The following PLCB1 variants were observed in gnomAD, a reference collection of about 807,000 sequenced individuals.
PLCB1 encodes 1-phosphatidylinositol 4,5-bisphosphate phosphodiesterase beta-1.
In PLCB1, 46 loss-of-function variants were observed where a neutral mutation model predicts 161.8. That is an observed-to-expected ratio of 0.28 (90% CI 0.22 to 0.36). The LOEUF (loss-of-function observed/expected upper bound fraction) is 0.36. PLCB1 is among the 10% of genes least tolerant of loss of function. The probability of loss-of-function intolerance (pLI) is 1.00; values close to 1 mark genes in which losing one functional copy is unlikely to be tolerated. For synonymous variants in PLCB1, 517 were observed against 503.7 expected, an observed-to-expected ratio of 1.03 and a Z score of -0.35; for missense variants, 1,016 against 1,472.5, an observed-to-expected ratio of 0.69 and a Z score of 5.07.
At chr20:8,326,233 T>G (rs1985147409) in intron 2 of PLCB1, among the ~76,000 whole-genome samples, 1 of 152,226 alleles carries the variant, frequency 6.6e-6, no homozygotes, top group African/African-American at 2.4e-5. Context: ...CTCTGGGAAA[T>G]TATATAGTGA....
intron 31 of PLCB1, among the ~76,000 whole-genome samples, chr20:8,866,331 C>G (rs1056327830): frequency 1.3e-5 from 2 of 152,112 alleles, no homozygotes; most frequent in African/African-American, 2.4e-5. Context: ...CTTTAGACAC[C>G]AGCGCAATGT....
chr20:8,684,268 T>TTTATTTA lies in PLCB1; in HGVS notation c.863-663_863-662insTATTTAT, dbSNP rs879620724. ...TATTTATTTATTTATTTATTTATTT[T>TTTATTTA]TATTTTGAGAAGGAGTCTCGCTCTG... On this transcript the variant is annotated intron_variant, in intron 9 of 31. Coordinates refer to ENST00000338037, the MANE Select transcript of PLCB1 (RefSeq NM_015192.4). Among the ~76,000 whole-genome samples the TTTATTTA allele has an allele frequency of 5.2e-4, 72 of 138,386 alleles. 1 individual carries two copies. In the East Asian group the frequency reaches 9.0e-3, roughly 17 times the overall value. 90.8% of individuals were successfully genotyped at this position (138,386 alleles called of 152,430 possible).
At chr20:8,797,648 A>C (rs981547390) in intron 31 of PLCB1, among the ~76,000 whole-genome samples, 1 of 152,128 alleles carries the variant, frequency 6.6e-6, no homozygotes, top group Admixed American at 6.5e-5. Context: ...TTATTTTCAA[A>C]TATATAATCT....
At chr20:8,272,013 T>G (rs1023347822) in intron 2 of PLCB1, among the ~76,000 whole-genome samples, 1 of 152,072 alleles carries the variant, frequency 6.6e-6, no homozygotes, top group Admixed American at 6.6e-5. Flanking sequence ...CTTTCAAGAT[T>G]TTTTTTGCTT....
chr20:8,616,933 T>A (rs570642053), intron 3 of PLCB1, among the ~76,000 whole-genome samples: 1 of 152,330 alleles, frequency 6.6e-6, no homozygotes, highest in East Asian at 1.9e-4. Flanking sequence ...ACAGGACTAT[T>A]CTTGGGGAAT....
intron 2 of PLCB1, among the ~76,000 whole-genome samples, chr20:8,173,280 C>T (rs1177025042): frequency 6.6e-6 from 1 of 152,106 alleles, no homozygotes; most frequent in East Asian, 1.9e-4. Flanking sequence ...GCGCTTGGCC[C>T]ATGAAGCCTA....
At chr20:8,297,578 G>A (rs1176421681) in intron 2 of PLCB1, among the ~76,000 whole-genome samples, 3 of 152,096 alleles carry the variant, frequency 2.0e-5, no homozygotes, top group Non-Finnish European at 2.9e-5. Context: ...AGTAATAATC[G>A]TTATAACCAC....
intron 2 of PLCB1, among the ~76,000 whole-genome samples, chr20:8,230,398 G>C (rs538608359): frequency 6.6e-6 from 1 of 151,868 alleles, no homozygotes; most frequent in African/African-American, 2.4e-5. Flanking sequence ...ATCATTTTTT[G>C]TGTGTGTGTT....
rs1979830666 is a variant in PLCB1 at position 8,724,576 on chromosome 20, A to G, written c.1582-80A>G. The G allele has an allele frequency of 3.2e-5, 27 of 839,888 alleles. 2 individuals are homozygous for G. In the South Asian group the frequency reaches 3.5e-4, roughly 11 times the overall value. 52.0% of individuals were successfully genotyped at this position (839,888 alleles called of 1,614,324 possible). A position where few individuals can be genotyped will look rare whatever the true frequency, so the allele number is the denominator to read the frequency against. ...GGATGATTTTCTGCATGCTTGAATC[A>G]TGTTGTCATTTTCCTGGGAAAATAA... On this transcript the variant is annotated intron_variant, in intron 15 of 31. Coordinates refer to ENST00000338037, the MANE Select transcript of PLCB1 (RefSeq NM_015192.4).
chr20:8,531,188 G>A (rs138544590), intron 3 of PLCB1, among the ~76,000 whole-genome samples: 37 of 152,134 alleles, frequency 2.4e-4, no homozygotes, highest in Non-Finnish European at 4.7e-4. Flanking sequence ...GCAGAGGGAA[G>A]TACACATTGT....
At chr20:8,874,252 A>G (rs1333648676) in intron 31 of PLCB1, among the ~76,000 whole-genome samples, 4 of 75,306 alleles carry the variant, frequency 5.3e-5, no homozygotes, top group Admixed American at 1.2e-4. Flanking sequence ...ACACACACAC[A>G]CACGCACAAC....
chr20:8,338,189 A>G (rs1985657155), intron 2 of PLCB1, among the ~76,000 whole-genome samples: 1 of 152,186 alleles, frequency 6.6e-6, no homozygotes, highest in African/African-American at 2.4e-5. Context: ...ATAATATGTA[A>G]TATATTCTCA....
At chr20:8,554,838 G>A (rs1288720586) in intron 3 of PLCB1, among the ~76,000 whole-genome samples, 9 of 152,018 alleles carry the variant, frequency 5.9e-5, no homozygotes, top group South Asian at 2.1e-4. Flanking sequence ...GCTGTTCTAC[G>A]TTAACTCAGG....
Position 8,150,390 on chromosome 20 carries a change from C to T in PLCB1, c.177+19C>T. On this transcript the variant is annotated intron_variant, in intron 2 of 31. Transcript: ENST00000338037. Reference sequence around the variant, plus strand: ...AAACAAGGTAAGAAATGAGGTATGCCTTTCTTACATTTTTCAGTCGTTTAC... The same window carrying T: ...AAACAAGGTAAGAAATGAGGTATGCTTTTCTTACATTTTTCAGTCGTTTAC... 1.6e-6 allele frequency: 2 copies of T among 1,250,470 alleles called. No homozygotes were observed. The highest frequency in any genetic ancestry group is 2.3e-6 in the Non-Finnish European group (2 of 874,790). 77.5% of individuals were successfully genotyped at this position (1,250,470 alleles called of 1,614,324 possible).
intron 31 of PLCB1, among the ~76,000 whole-genome samples, chr20:8,837,285 AC>A (rs2146285789): frequency 6.6e-6 from 1 of 152,336 alleles, no homozygotes; most frequent in South Asian, 2.1e-4. Flanking sequence ...AAGGTGACGT[AC>A]AAAGTGCAAC....
chr20:8,535,781 AAG>A (rs1460537035), intron 3 of PLCB1, among the ~76,000 whole-genome samples: 3 of 152,176 alleles, frequency 2.0e-5, no homozygotes, highest in African/African-American at 2.4e-5. Flanking sequence ...GATATAATAA[AAG>A]AGAAAATAAC....
At chr20:8,633,891 G>T (rs1240465085) in intron 4 of PLCB1, among the ~76,000 whole-genome samples, 1 of 151,966 alleles carries the variant, frequency 6.6e-6, no homozygotes, top group Admixed American at 6.6e-5. Context: ...AAGTCTTTTT[G>T]GTCTGACTTC....
chr20:8,708,413 A>G (rs1011597585), intron 11 of PLCB1, among the ~76,000 whole-genome samples: 41 of 152,150 alleles, frequency 2.7e-4, no homozygotes, highest in African/African-American at 8.2e-4. Context: ...AATAGATACA[A>G]TTAGCAAACA....
chr20:8,301,947 CA>C (rs1406696994), intron 2 of PLCB1, among the ~76,000 whole-genome samples: 1 of 152,198 alleles, frequency 6.6e-6, no homozygotes, highest in Non-Finnish European at 1.5e-5. Context: ...TGACTTTGGA[CA>C]AATCATTTAA....
Sources: allele counts gnomAD v4.1 joint callset (sites outside exome capture counted in the v4.1 genomes callset), GRCh38; gene constraint gnomAD v4.1.1; transcripts MANE v1.5; gene names NCBI Gene and HGNC (gene_info 2026-07-23, HGNC 2026-07-21).